The following EFNA2 variants were observed in gnomAD, a reference collection of about 807,000 sequenced individuals.
EFNA2 encodes ephrin-A2.
Under a neutral mutation model 19.7 loss-of-function variants are expected in EFNA2, and 18 were observed. That is an observed-to-expected ratio of 0.91 (90% CI 0.63 to 1.35). The LOEUF (loss-of-function observed/expected upper bound fraction) is 1.35. EFNA2 is among the 40% of genes most tolerant of loss of function. The probability of loss-of-function intolerance (pLI) is 0.00; values close to 1 mark genes in which losing one functional copy is unlikely to be tolerated. For synonymous variants in EFNA2, 187 were observed against 137.8 expected (o/e 1.36, Z -2.50); for missense variants, 303 against 296.0 (o/e 1.02, Z -0.17).
Position 1,285,892 on chromosome 19 carries a change from G to A in EFNA2, c.-277G>A, listed in dbSNP as rs997559520. 6.8e-6 allele frequency among the ~76,000 whole-genome samples: 1 copy of A among 146,070 alleles called. No homozygotes were observed. Among genetic ancestry groups the A allele is most frequent in the Non-Finnish European group, 1.5e-5 (1 of 65,738 alleles). On this transcript the variant is annotated 5_prime_UTR_variant, in exon 1 of 4. Coordinates refer to ENST00000215368, the MANE Select transcript of EFNA2 (RefSeq NM_001405.4). This position sits in a 1 kb window ranked among gnomAD's most constrained non-coding sequence, Gnocchi z 4.1. ...AAGGCCGGAGCCCGGGCCCCTCCCC[G>A]GCGGGTGCGGCGGCGGCGGCCCGCG...
At position 1,286,232 on chromosome 19, in the gene EFNA2, C is replaced by A. The variant is rs1160174044; in HGVS notation, c.64C>A (p.Pro22Thr). Residue 22 changes from proline (P) to threonine (T), a missense_variant, in exon 1 of 4, where the codon CCC becomes ACC. Pro to Thr is a conservative substitution (Grantham distance 38). Transcript: ENST00000215368. This position sits in a 1 kb window ranked among gnomAD's most constrained non-coding sequence, Gnocchi z 5.6. ...CCTGCTGTTACCGCTGCCGCCGCCG[C>A]CCTTCGCGCGCGCCGAGGACGCCGC... ...LLLLLPLPPP[P>T]FARAEDAARA... 8.0e-6 allele frequency: 9 copies of A among 1,126,552 alleles called. No individual in the cohort carries two copies. The highest frequency in any genetic ancestry group is 9.9e-6 in the Non-Finnish European group (9 of 906,726). 69.8% of individuals were successfully genotyped at this position (1,126,552 alleles called of 1,614,324 possible).
In EFNA2 at chr19:1,300,278, G is replaced by GTTTTTTTTTTTTT. The variant is rs1600063478; in HGVS notation, c.*334_*335insTTTTTTTTTTTTT. On this transcript the variant is annotated 3_prime_UTR_variant, in exon 4 of 4. Coordinates refer to ENST00000215368, the MANE Select transcript of EFNA2 (RefSeq NM_001405.4). ...TTTTTTTTTTTTTTTTTTTTTTTTA[G>GTTTTTTTTTTTTT]TGTATTTTTCGTGGTTGGATCAAAA... is the stretch of plus-strand genomic sequence containing the variant. 5 of 91,150 alleles carry GTTTTTTTTTTTTT rather than the reference G, an allele frequency of 5.5e-5. No individual in the cohort carries two copies. Among genetic ancestry groups the GTTTTTTTTTTTTT allele is most frequent in the African/African-American group, 1.2e-4 (2 of 17,142 alleles). The allele number at this position is 91,150 out of a possible 1,614,324, so 5.6% of individuals were successfully genotyped here.
Position 1,295,881 on chromosome 19 carries a change from T to G in EFNA2, c.454+23T>G. On this transcript the variant is annotated intron_variant, in intron 2 of 3. Transcript: ENST00000215368. This position sits in a 1 kb window ranked among gnomAD's most constrained non-coding sequence, Gnocchi z 5.8. ...TCTGTGAGTGGGGTCGGGCCGGGGC[T>G]GCCGGGGCCCGAGTGGGCGGGGACG... The G allele has an allele frequency of 7.6e-7, 1 of 1,324,186 alleles. No individual in the cohort carries two copies. The highest frequency in any genetic ancestry group is 9.8e-7 in the Non-Finnish European group (1 of 1,017,242). The allele number at this position is 1,324,186 out of a possible 1,614,324, so 82.0% of individuals were successfully genotyped here.
chr19:1,298,896 G>T, intron 3 of EFNA2, among the ~76,000 whole-genome samples: 1 of 152,218 alleles, frequency 6.6e-6, no homozygotes, highest in East Asian at 1.9e-4. Flanking sequence ...AGTGAGCAGA[G>T]ATCACGCCAC....
intron 1 of EFNA2, among the ~76,000 whole-genome samples, chr19:1,290,672 A>G (rs902396269): frequency 2.3e-4 from 35 of 152,258 alleles, no homozygotes; most frequent in African/African-American, 8.4e-4. Context: ...GGATGCAGCC[A>G]GGCCTTGCCC....
chr19:1,298,011 G>T (rs983668867), intron 2 of EFNA2, among the ~76,000 whole-genome samples: 1 of 139,634 alleles, frequency 7.2e-6, no homozygotes, highest in Non-Finnish European at 1.5e-5. Context: ...GGCTGAGATT[G>T]CAGTGAGCCG....
In EFNA2 at chr19:1,296,745, G is replaced by A. The variant is rs1231493473; in HGVS notation, c.454+887G>A. On this transcript the variant is annotated intron_variant, in intron 2 of 3. Coordinates refer to ENST00000215368, the MANE Select transcript of EFNA2 (RefSeq NM_001405.4). The surrounding 1 kb of genome is among the most constrained non-coding windows in gnomAD (Gnocchi z 4.4). ...TCCTCCCTGCCCCGCACCCACCCCC[G>A]CATCTCCCCGGGACCCATGCCAGGC... Among the ~76,000 whole-genome samples, 1 of 151,386 alleles carries A rather than the reference G, an allele frequency of 6.6e-6. No individual in the cohort carries two copies. The highest frequency in any genetic ancestry group is 1.5e-5 in the Non-Finnish European group (1 of 67,848).
At position 1,286,001 on chromosome 19, in the gene EFNA2, A is replaced by G. The variant is rs2144609098; in HGVS notation, c.-168A>G. 6.9e-6 allele frequency among the ~76,000 whole-genome samples: 1 copy of G among 143,910 alleles called. No homozygotes were observed. The highest frequency in any genetic ancestry group is 6.8e-5 in the Admixed American group (1 of 14,600). The allele number at this position is 143,910 out of a possible 152,430, so 94.4% of individuals were successfully genotyped here. ...CCGCCGCCTGACTTCTCGGCGCCCG[A>G]GGTCGCGCGCGCGGAGGCGGGGGCG... is the stretch of plus-strand genomic sequence containing the variant. On this transcript the variant is annotated 5_prime_UTR_variant, in exon 1 of 4. Transcript: ENST00000215368. This position sits in a 1 kb window ranked among gnomAD's most constrained non-coding sequence, Gnocchi z 5.6.
Position 1,296,442 on chromosome 19 carries a change from C to T in EFNA2, c.454+584C>T, listed in dbSNP as rs994819247. On this transcript the variant is annotated intron_variant, in intron 2 of 3. Transcript: ENST00000215368. This position sits in a 1 kb window ranked among gnomAD's most constrained non-coding sequence, Gnocchi z 4.4. ...CTGCAATCCCAGCACTTTGGGATGC[C>T]GAGGCGGGAGGATCACTTGAGGCCA... Among the ~76,000 whole-genome samples the T allele has an allele frequency of 4.6e-5, 7 of 152,102 alleles. No individual in the cohort carries two copies. Among genetic ancestry groups the T allele is most frequent in the Non-Finnish European group, 8.8e-5 (6 of 68,016 alleles).
Position 1,286,481 on chromosome 19 carries a change from G to C in EFNA2, c.140+173G>C, listed in dbSNP as rs1471152702. ...GGGAGCTCCGGCCCCCCGGAGTTTGGGGGACTCGCCCTTTTCGCGCCTGCC... is the reference window on the plus strand; with the variant it reads ...GGGAGCTCCGGCCCCCCGGAGTTTGCGGGACTCGCCCTTTTCGCGCCTGCC... On this transcript the variant is annotated intron_variant, in intron 1 of 3. Coordinates refer to ENST00000215368, the MANE Select transcript of EFNA2 (RefSeq NM_001405.4). The surrounding 1 kb of genome is among the most constrained non-coding windows in gnomAD (Gnocchi z 5.6). 6.6e-6 allele frequency among the ~76,000 whole-genome samples: 1 copy of C among 151,310 alleles called. No homozygotes were observed. Among genetic ancestry groups the C allele is most frequent in the Non-Finnish European group, 1.5e-5 (1 of 67,742 alleles).
In EFNA2 at chr19:1,287,557, A is replaced by G. The variant is rs1362188105; in HGVS notation, c.140+1249A>G. ...GTCTCTTTGAGGCGGGCTCGGGGAC[A>G]AGGGCGGCCCGTGTTCCGCCGTGGG... On this transcript the variant is annotated intron_variant, in intron 1 of 3. Transcript: ENST00000215368. This position sits in a 1 kb window ranked among gnomAD's most constrained non-coding sequence, Gnocchi z 6.2. Among the ~76,000 whole-genome samples, 1 of 152,008 alleles carries G rather than the reference A, an allele frequency of 6.6e-6. No homozygotes were observed. The highest frequency in any genetic ancestry group is 2.4e-5 in the African/African-American group (1 of 41,380).
chr19:1,297,388 T>C lies in EFNA2; in HGVS notation c.455-1163T>C, dbSNP rs570797941. Among the ~76,000 whole-genome samples, 1 of 152,328 alleles carries C rather than the reference T, an allele frequency of 6.6e-6. No homozygotes were observed. Among genetic ancestry groups the C allele is most frequent in the African/African-American group, 2.4e-5 (1 of 41,554 alleles). Reference sequence around the variant, plus strand: ...ATATGAGAAAAATTACATTTTTCTTTCTGAGACGGCAGTTTCATAAAGATA... The same window carrying C: ...ATATGAGAAAAATTACATTTTTCTTCCTGAGACGGCAGTTTCATAAAGATA... On this transcript the variant is annotated intron_variant, in intron 2 of 3. Transcript: ENST00000215368. The surrounding 1 kb of genome is among the most constrained non-coding windows in gnomAD (Gnocchi z 5.0).
chr19:1,290,981 C>G (rs1194125909), intron 1 of EFNA2, among the ~76,000 whole-genome samples: 1 of 152,220 alleles, frequency 6.6e-6, no homozygotes, highest in South Asian at 2.1e-4. Flanking sequence ...GCGTGTCCCC[C>G]CAGCTCTGTG....
At position 1,300,428 on chromosome 19, in the gene EFNA2, C is replaced by T. The variant is rs2081537119; in HGVS notation, c.*483C>T. Among the ~76,000 whole-genome samples, 1 of 151,626 alleles carries T rather than the reference C, an allele frequency of 6.6e-6. No homozygotes were observed. Among genetic ancestry groups the T allele is most frequent in the Admixed American group, 6.6e-5 (1 of 15,228 alleles). ...AACACAGCCGCTCCCCTCTGCTCTG[C>T]ACCCCACTCGTGGGGGAACACAGCC... On this transcript the variant is annotated 3_prime_UTR_variant, in exon 4 of 4. Coordinates refer to ENST00000215368, the MANE Select transcript of EFNA2 (RefSeq NM_001405.4).
At chr19:1,298,654 A>G (rs775424737) in intron 3 of EFNA2, 38 bp downstream of exon 3, 2 of 1,606,584 alleles carry the variant, frequency 1.2e-6, no homozygotes, top group Non-Finnish European at 8.5e-7. Context: ...CCAGGCCCCC[A>G]CCCCTGTGTC....
Position 1,300,149 on chromosome 19 carries a change from C to A in EFNA2, c.*204C>A. The A allele has an allele frequency of 1.5e-6, 1 of 674,050 alleles. No homozygotes were observed. Among genetic ancestry groups the A allele is most frequent in the Non-Finnish European group, 2.3e-6 (1 of 439,726 alleles). 41.8% of individuals were successfully genotyped at this position (674,050 alleles called of 1,614,324 possible). A position where few individuals can be genotyped will look rare whatever the true frequency, so the allele number is the denominator to read the frequency against. ...AGGGAGGGGAAACGGCCGAGAGCCC[C>A]CCCCCGGAGGCCCGAGGGGCCGGGG... On this transcript the variant is annotated 3_prime_UTR_variant, in exon 4 of 4. Transcript: ENST00000215368.
intron 1 of EFNA2, among the ~76,000 whole-genome samples, chr19:1,290,957 C>T (rs985814409): frequency 3.3e-5 from 5 of 152,206 alleles, no homozygotes; most frequent in South Asian, 4.1e-4. Flanking sequence ...GGGGTCTGGC[C>T]GAGAGACTCA....
In EFNA2 at chr19:1,294,013, C is replaced by A. The variant is rs886632403; in HGVS notation, c.141-1532C>A. On this transcript the variant is annotated intron_variant, in intron 1 of 3. Transcript: ENST00000215368. This position sits in a 1 kb window ranked among gnomAD's most constrained non-coding sequence, Gnocchi z 5.8. Reference sequence around the variant, plus strand: ...GGGGCCTGCGGCGGGCTCACCCCTGCAGGCCGGGGTGGCGGTGGCTGTGCC... The same window carrying A: ...GGGGCCTGCGGCGGGCTCACCCCTGAAGGCCGGGGTGGCGGTGGCTGTGCC... Among the ~76,000 whole-genome samples the A allele has an allele frequency of 6.6e-6, 1 of 152,240 alleles. No homozygotes were observed. Among genetic ancestry groups the A allele is most frequent in the Non-Finnish European group, 1.5e-5 (1 of 68,038 alleles).
intron 1 of EFNA2, among the ~76,000 whole-genome samples, chr19:1,293,012 G>A (rs144915959): frequency 6.6e-6 from 1 of 152,292 alleles, no homozygotes; most frequent in Non-Finnish European, 1.5e-5. Context: ...CACTTTCAGA[G>A]GCTGCTCTGT....
Sources: allele counts gnomAD v4.1 joint callset (sites outside exome capture counted in the v4.1 genomes callset), GRCh38; gene constraint gnomAD v4.1.1; non-coding constraint Gnocchi (gnomAD v3.1); transcripts MANE v1.5; gene names NCBI Gene and HGNC (gene_info 2026-07-23, HGNC 2026-07-21).